BCL11A: variants seen among roughly 807,000 people sequenced by gnomAD.
BCL11A encodes the protein B cell CLL/lymphoma 11A.
BCL11A carries 2 observed loss-of-function variants against 55.9 expected under a neutral mutation model. The observed-to-expected ratio is 0.04, with a 90% confidence interval of 0.01 to 0.11. BCL11A has a LOEUF of 0.11. Ranked by LOEUF, BCL11A falls within the 10% of genes least tolerant of loss-of-function variation. The pLI, the probability that BCL11A is intolerant of heterozygous loss-of-function variation, is 1.00. For synonymous variants in BCL11A, 465 were observed against 473.4 expected, an observed-to-expected ratio of 0.98 and a Z score of 0.23; for missense variants, 817 against 1,137.1, an observed-to-expected ratio of 0.72 and a Z score of 4.05.
chr2:60,506,508 C>T (rs957485664), intron 2 of BCL11A, among the ~76,000 whole-genome samples: 1 of 152,268 alleles, frequency 6.6e-6, no homozygotes, highest in Non-Finnish European at 1.5e-5. Context: ...GACTGTATCT[C>T]ATTTTTCCAG....
In BCL11A at chr2:60,459,854, C is replaced by A. The variant is rs1043144217; in HGVS notation, c.*550G>T. 1 of 1,045,492 alleles carries A rather than the reference C, an allele frequency of 9.6e-7. No individual in the cohort carries two copies. The highest frequency in any genetic ancestry group is 1.2e-6 in the Non-Finnish European group (1 of 866,810). 64.8% of individuals were successfully genotyped at this position (1,045,492 alleles called of 1,614,324 possible). ...CTATTCTGTCTATAGAGGGTTAATCCAAAGACTGTTTTTCCTCCTCACGTT... is the reference window on the plus strand; with the variant it reads ...CTATTCTGTCTATAGAGGGTTAATCAAAAGACTGTTTTTCCTCCTCACGTT... On this transcript the variant is annotated 3_prime_UTR_variant, in exon 4 of 4. Transcript: ENST00000642384.
At position 60,503,721 on chromosome 2, in the gene BCL11A, G is replaced by T. The variant is rs531849303; in HGVS notation, c.386-34888C>A. The stretch of plus-strand genomic sequence containing the variant: ...GGAAACCTATAGCTGCCAGGGAAAT[G>T]TGACATTTTGTGAGGACTAATTTAA... On this transcript the variant is annotated intron_variant, in intron 2 of 3. Transcript: ENST00000642384. Among the ~76,000 whole-genome samples the T allele has an allele frequency of 1.8e-4, 27 of 152,282 alleles. No homozygotes were observed. The Middle Eastern group carries it at 0.031, about 173-fold the overall frequency.
At chr2:60,497,841 A>G (rs1679042152) in intron 2 of BCL11A, among the ~76,000 whole-genome samples, 1 of 152,072 alleles carries the variant, frequency 6.6e-6, no homozygotes, top group Non-Finnish European at 1.5e-5. Flanking sequence ...TAGAGAAATG[A>G]TCAAAAGGAT....
In BCL11A at chr2:60,451,191, T is replaced by C. The variant is rs538449835; in HGVS notation, c.*1384A>G. ...GTAGACAGTCATTATTTATTATGAA[T>C]AAGCAGGAAATAATTCACATGCCAA... On this transcript the variant is annotated 3_prime_UTR_variant, in exon 5 of 5. Transcript: ENST00000356842. 7.8e-5 allele frequency: 16 copies of C among 204,264 alleles called. No homozygotes were observed. The East Asian group carries it at 1.2e-3, about 15-fold the overall frequency. 12.7% of individuals were successfully genotyped at this position (204,264 alleles called of 1,614,324 possible). A position where few individuals can be genotyped will look rare whatever the true frequency, so the allele number is the denominator to read the frequency against.
intron 2 of BCL11A, among the ~76,000 whole-genome samples, chr2:60,514,648 A>T (rs905092750): frequency 1.3e-5 from 2 of 151,566 alleles, no homozygotes; most frequent in Admixed American, 1.3e-4. Flanking sequence ...AGCCTGGGCG[A>T]CAGAGCGAGA....
chr2:60,488,736 TTTTGTTTG>T (rs45517431), intron 2 of BCL11A, among the ~76,000 whole-genome samples: 18 of 151,902 alleles, frequency 1.2e-4, no homozygotes, highest in African/African-American at 2.7e-4. Context: ...CCCAAAACGA[TTTTGTTTG>T]TTTGTTTGTT....
intron 2 of BCL11A, among the ~76,000 whole-genome samples, chr2:60,498,873 A>G (rs889950062): frequency 5.3e-5 from 8 of 151,814 alleles, no homozygotes; most frequent in African/African-American, 1.9e-4. Flanking sequence ...ATTACCTGTA[A>G]ATCTTGATCA....
chr2:60,491,586 G>A (rs45439602), intron 2 of BCL11A, among the ~76,000 whole-genome samples: 5,601 of 151,716 alleles, frequency 0.037, 152 homozygotes, highest in Non-Finnish European at 0.056. Flanking sequence ...GCAGGAGATC[G>A]CTTGAACCTG....
At chr2:60,476,992 T>C (rs377751529) in intron 2 of BCL11A, among the ~76,000 whole-genome samples, 5 of 152,278 alleles carry the variant, frequency 3.3e-5, no homozygotes, top group African/African-American at 1.2e-4. Flanking sequence ...CCTGAACATA[T>C]TTCTGTCACC....
downstream of BCL11A, chr2:60,452,789 C>T: frequency 1.4e-6 from 1 of 699,658 alleles, no homozygotes; most frequent in Non-Finnish European, 2.4e-6. Context: ...ACAGGTCGAG[C>T]CACTGGCATC....
intron 2 of BCL11A, among the ~76,000 whole-genome samples, chr2:60,493,950 G>C (rs1222998356): frequency 6.6e-6 from 1 of 152,216 alleles, no homozygotes; most frequent in Non-Finnish European, 1.5e-5. Context: ...AGTGGGACCA[G>C]AGCTGAGTGG....
chr2:60,528,862 G>A (rs1215599285), intron 2 of BCL11A, among the ~76,000 whole-genome samples: 1 of 152,216 alleles, frequency 6.6e-6, no homozygotes, highest in East Asian at 1.9e-4. Flanking sequence ...AGTAATGTCT[G>A]TGCTTTCCCT....
rs1254339022 is a variant in BCL11A, at chr2:60,461,389, C to T, written c.1523G>A (p.Ser508Asn). 1 of 1,605,786 alleles carries T rather than the reference C, an allele frequency of 6.2e-7. No homozygotes were observed. Among genetic ancestry groups the T allele is most frequent in the Non-Finnish European group, 8.5e-7 (1 of 1,179,032 alleles). The change falls in exon 4 of 4, where the codon AGC becomes AAC. Residue 508 changes from serine to asparagine, a missense_variant. By Grantham distance (46) the Ser-to-Asn change is conservative (BLOSUM62 1). Coordinates refer to ENST00000642384, the MANE Select transcript of BCL11A (RefSeq NM_022893.4). Reference protein sequence around the residue: ...EEEEEEELTESERVDYGFGLS... With the variant: ...EEEEEEELTENERVDYGFGLS... ...CCCGAAGCCGTAGTCCACCCTCTCG[C>T]TCTCCGTCAGCTCCTCCTCCTCCTC...
At chr2:60,467,147 A>ATGGTGGTGG (rs200378268) in intron 3 of BCL11A, among the ~76,000 whole-genome samples, 2 of 45,032 alleles carry the variant, frequency 4.4e-5, no homozygotes, top group African/African-American at 7.1e-5. Context: ...GTTGGTGGTG[A>ATGGTGGTGG]TGGTGGTGGT....
At chr2:60,517,321 C>T (rs1005366939) in intron 2 of BCL11A, among the ~76,000 whole-genome samples, 4 of 152,160 alleles carry the variant, frequency 2.6e-5, no homozygotes, top group Admixed American at 1.3e-4. Context: ...CCATGTAAAC[C>T]CCAGAAGGGC....
chr2:60,460,538 G>A lies in BCL11A; in HGVS notation c.2374C>T (p.His792Tyr). 1 of 1,614,102 alleles carries A rather than the reference G, an allele frequency of 6.2e-7. No homozygotes were observed. The highest frequency in any genetic ancestry group is 8.5e-7 in the Non-Finnish European group (1 of 1,180,038). ...TAAACGTCCTTCCCCACCTGGCCAT[G>A]CGTTTTCATGTGCCTGGTGAGCTTG... is the stretch of plus-strand genomic sequence containing the variant. ...SSKLTRHMKTHGQVGKDVYKC... is the reference protein window; with the variant it reads ...SSKLTRHMKTYGQVGKDVYKC... Residue 792 changes from histidine to tyrosine, a missense_variant, in exon 4 of 4, where the codon CAT (histidine) becomes TAT (tyrosine). This residue lies in a region of BCL11A where 30 missense variants were observed against 116.3 expected (regional missense o/e 0.26). Coordinates refer to ENST00000642384, the MANE Select transcript of BCL11A (RefSeq NM_022893.4).
chr2:60,511,063 G>A (rs1558655625), intron 2 of BCL11A, among the ~76,000 whole-genome samples: 3 of 152,234 alleles, frequency 2.0e-5, no homozygotes, highest in African/African-American at 7.2e-5. Context: ...AGCCAACTGC[G>A]TTTCCAGGCA....
rs750493078 is a variant in BCL11A at position 60,462,103 on chromosome 2, G to T, written c.809C>A (p.Pro270Gln). 1.3e-6 allele frequency: 2 copies of T among 1,559,668 alleles called. No homozygotes were observed. The highest frequency in any genetic ancestry group is 2.7e-5 in the African/African-American group (2 of 72,960). ...PPTPPLFSPP[P>Q]RHHLDPHRIE... is the part of the protein sequence containing the mutation. ...GCGGTGGGGGTCCAAGTGATGTCTCGGTGGTGGACTAAACAGGGGGGGAGT... is the reference window on the plus strand; with the variant it reads ...GCGGTGGGGGTCCAAGTGATGTCTCTGTGGTGGACTAAACAGGGGGGGAGT... The change falls in exon 4 of 4, where the codon CCG becomes CAG. Residue 270 changes from proline (P) to glutamine (Q), a missense_variant. Physicochemically the swap from Pro to Gln is moderately conservative, Grantham distance 76. Around this residue, in one of 4 missense-constraint regions of BCL11A, gnomAD observed 363 missense variants for 486.6 expected, o/e 0.75. Coordinates refer to ENST00000642384, the MANE Select transcript of BCL11A (RefSeq NM_022893.4).
intron 2 of BCL11A, chr2:60,545,226 C>T (rs945605699): frequency 3.3e-5 from 5 of 152,262 alleles, no homozygotes; most frequent in African/African-American, 1.2e-4. Flanking sequence ...AGGGAGCAGC[C>T]GTTCCTGTCA....
Sources: gnomAD v4.1 joint callset for allele counts (sites outside exome capture counted in the v4.1 genomes callset) on GRCh38, gnomAD v4.1.1 for gene constraint, gnomAD v4.1.1 regional missense constraint, MANE v1.5 for transcripts, NCBI Gene and HGNC (gene_info 2026-07-23, HGNC 2026-07-21) for gene names.